The following DPF1 variants were observed in gnomAD, a reference collection of about 807,000 sequenced individuals.
DPF1 encodes zinc finger protein neuro-d4.
In DPF1, 14 loss-of-function variants were observed where a neutral mutation model predicts 58.7. That is an observed-to-expected ratio of 0.24 (90% confidence interval 0.16 to 0.37). The LOEUF (loss-of-function observed/expected upper bound fraction) is 0.37. Among genes scored for constraint, DPF1 ranks in the 10% least tolerant of loss-of-function variants. DPF1 has a pLI of 1.00. For missense variants in DPF1, 345 were observed against 529.9 expected (o/e 0.65, Z 3.43); for synonymous variants, 216 against 216.0 (o/e 1.00, Z 0.00).
upstream of DPF1, among the ~76,000 whole-genome samples, chr19:38,225,330 G>A (rs769519156): frequency 2.0e-5 from 3 of 152,084 alleles, no homozygotes; most frequent in Non-Finnish European, 4.4e-5. Flanking sequence ...ACTTCGGGAG[G>A]CCTAGATGAG....
chr19:38,226,822 C>G (rs534594236), upstream of DPF1, among the ~76,000 whole-genome samples: 91 of 152,148 alleles, frequency 6.0e-4, no homozygotes, highest in African/African-American at 2.1e-3. Flanking sequence ...ACACTTGATT[C>G]CCACACCGCT....
At chr19:38,225,511 G>C (rs761190234), upstream of DPF1, among the ~76,000 whole-genome samples, 1 of 152,158 alleles carries the variant, frequency 6.6e-6, no homozygotes, top group African/African-American at 2.4e-5. Flanking sequence ...TGAGGCTGCA[G>C]TGAGCTGTGG....
chr19:38,219,193 G>T, intron 3 of DPF1, 135 bp from the exon 4 acceptor site: 2 of 1,316,940 alleles, frequency 1.5e-6, no homozygotes, highest in Non-Finnish European at 2.1e-6. Flanking sequence ...ACATGCCCTA[G>T]GAGGGAGGCC....
At position 38,222,528 on chromosome 19, in the gene DPF1, G is replaced by T. The variant is rs772001307; in HGVS notation, c.190+20C>A. The T allele has an allele frequency of 1.2e-6, 2 of 1,606,386 alleles. No individual in the cohort carries two copies. Among genetic ancestry groups the T allele is most frequent in the Non-Finnish European group, 1.7e-6 (2 of 1,176,744 alleles). On this transcript the variant is annotated intron_variant, in intron 2 of 11. Coordinates refer to ENST00000355526, the MANE Select transcript of DPF1 (RefSeq NM_001135155.3). This position sits in a 1 kb window ranked among gnomAD's most constrained non-coding sequence, Gnocchi z 4.9. ...GCGGCCTGGCCCCGCCCCGCCCTGC[G>T]CCAGCCCTCCCGGCGGTACCCGGCC...
chr19:38,227,832 A>T (rs1967892698), upstream of DPF1: 3 of 152,066 alleles, frequency 2.0e-5, no homozygotes. Flanking sequence ...CCTTCTCCCC[A>T]GGGGATTTGA....
Position 38,224,066 on chromosome 19 carries a change from C to T in DPF1, c.29+48G>A, listed in dbSNP as rs766961033. The stretch of plus-strand genomic sequence containing the variant: ...CGGTCGCCACACACACACAGGCCCG[C>T]GTAGACCCGCCCGCGCTTCCTCTCC... On this transcript the variant is annotated intron_variant, in intron 1 of 11. Coordinates refer to ENST00000355526, the MANE Select transcript of DPF1 (RefSeq NM_001135155.3). This position sits in a 1 kb window ranked among gnomAD's most constrained non-coding sequence, Gnocchi z 4.5. 6.7e-7 allele frequency: 1 copy of T among 1,492,792 alleles called. No homozygotes were observed. The allele number at this position is 1,492,792 out of a possible 1,614,324, so 92.5% of individuals were successfully genotyped here.
At chr19:38,224,450 G>A (rs993845827), upstream of DPF1, among the ~76,000 whole-genome samples, 1 of 152,062 alleles carries the variant, frequency 6.6e-6, no homozygotes, top group Admixed American at 6.5e-5. This position sits in a 1 kb window ranked among gnomAD's most constrained non-coding sequence, Gnocchi z 4.5. Context: ...TGCACACCTG[G>A]ACTCGCACAC....
chr19:38,221,003 C>T (rs1474393713), intron 3 of DPF1, among the ~76,000 whole-genome samples: 1 of 152,200 alleles, frequency 6.6e-6, no homozygotes, highest in Admixed American at 6.5e-5. Context: ...CCCAGACACT[C>T]CGAGGCACCC....
rs1298320315 is a variant in DPF1 at position 38,213,708 on chromosome 19, C to T, written c.947G>A (p.Arg316Gln). The T allele has an allele frequency of 2.5e-6, 4 of 1,613,744 alleles. No individual in the cohort carries two copies. The highest frequency in any genetic ancestry group is 3.3e-5 in the Admixed American group (2 of 59,970). Residue 316 changes from arginine (R) to glutamine (Q), a missense_variant, in exon 10 of 12, where the codon CGG becomes CAG. Coordinates refer to ENST00000355526, the MANE Select transcript of DPF1 (RefSeq NM_001135155.3). ...QFTVNMTAAV[R>Q]TYRWQCIECK... ...CTCGATGCACTGCCAGCGGTAGGTC[C>T]GCACGGCTGCCGTCATGTTCACCGT...
chr19:38,221,975 G>C (rs1182943674), intron 3 of DPF1, among the ~76,000 whole-genome samples: 5 of 152,114 alleles, frequency 3.3e-5, no homozygotes, highest in Non-Finnish European at 7.4e-5. Flanking sequence ...CAGCTACTCG[G>C]AAGGCTGAGG....
intron 5 of DPF1, 24 bp from the exon 6 acceptor site, chr19:38,217,900 G>A: frequency 6.2e-7 from 1 of 1,613,560 alleles, no homozygotes; most frequent in Non-Finnish European, 8.5e-7. Flanking sequence ...CAGGAGTGAG[G>A]GGCCAAGAAA....
chr19:38,226,503 T>TACAC (rs60328056), upstream of DPF1, among the ~76,000 whole-genome samples: 1,704 of 133,730 alleles, frequency 0.013, 26 homozygotes, highest in African/African-American at 0.033. Context: ...CGGTCACTTC[T>TACAC]ACACACACAC....
chr19:38,229,478 C>G lies in DPF1; in HGVS notation c.-132+81G>C. 1 of 853,638 alleles carries G rather than the reference C, an allele frequency of 1.2e-6. No homozygotes were observed. Among genetic ancestry groups the G allele is most frequent in the Non-Finnish European group, 1.5e-6 (1 of 673,746 alleles). 52.9% of individuals were successfully genotyped at this position (853,638 alleles called of 1,614,324 possible). On this transcript the variant is annotated intron_variant, in intron 1 of 11. Transcript: ENST00000412732. This position sits in a 1 kb window ranked among gnomAD's most constrained non-coding sequence, Gnocchi z 5.3. Reference sequence around the variant, plus strand: ...ACTACGGTCCGCGCGCTGCGTCCCCCTCCTCAGCCCCAGGGCGGGCGGGGG... The same window carrying G: ...ACTACGGTCCGCGCGCTGCGTCCCCGTCCTCAGCCCCAGGGCGGGCGGGGG...
upstream of DPF1, among the ~76,000 whole-genome samples, chr19:38,227,033 CCTTTCTTT>C (rs1555710764): frequency 5.3e-4 from 70 of 132,256 alleles, no homozygotes; most frequent in Non-Finnish European, 9.4e-4. Context: ...TTCCTTCCTT[CCTTTCTTT>C]CTTTCTTTCT....
chr19:38,217,569 G>A lies in DPF1; in HGVS notation c.618C>T (p.Asn206=). 1.3e-6 allele frequency: 2 copies of A among 1,551,026 alleles called. No individual in the cohort carries two copies. The highest frequency in any genetic ancestry group is 1.7e-6 in the Non-Finnish European group (2 of 1,146,654). The change falls in exon 7 of 12, where the codon AAC becomes AAT. Residue 206 remains asparagine, a synonymous_variant. Coordinates refer to ENST00000355526, the MANE Select transcript of DPF1 (RefSeq NM_001135155.3). ...VCDICGKRYK[N]RPGLSYHYTH... ...TGTAGTGGTAGCTGAGCCCCGGCCG[G>A]TTCTTATACCGTTTCCCACAGACTG... is the stretch of plus-strand genomic sequence containing the variant.
At chr19:38,216,706 A>G (rs918347895) in intron 7 of DPF1, among the ~76,000 whole-genome samples, 6 of 152,150 alleles carry the variant, frequency 3.9e-5, no homozygotes, top group Admixed American at 3.3e-4. Flanking sequence ...TGGCGGGATT[A>G]TAAGCGTGAG....
At chr19:38,218,750 G>A in intron 4 of DPF1, 88 bp from the exon 5 acceptor site, 1 of 1,552,178 alleles carries the variant, frequency 6.4e-7, no homozygotes, top group African/African-American at 1.4e-5. Context: ...GAGATTGGGG[G>A]TGAGAGTATA....
upstream of DPF1, among the ~76,000 whole-genome samples, chr19:38,228,916 G>T (rs1373134972): frequency 6.6e-6 from 1 of 152,000 alleles, no homozygotes; most frequent in East Asian, 1.9e-4. Flanking sequence ...GTCCCCAAAG[G>T]GATCAGAGAT....
Position 38,222,512 on chromosome 19 carries a change from C to T in DPF1, c.190+36G>A. ...GGGCGGCGGCGGTGGGGCGGCCTGG[C>T]CCCGCCCCGCCCTGCGCCAGCCCTC... On this transcript the variant is annotated intron_variant, in intron 2 of 11. Transcript: ENST00000355526. This position sits in a 1 kb window ranked among gnomAD's most constrained non-coding sequence, Gnocchi z 4.9. The T allele has an allele frequency of 3.1e-6, 5 of 1,601,604 alleles. No homozygotes were observed. In the South Asian group the frequency reaches 4.5e-5, roughly 14 times the overall value.
Sources: allele counts gnomAD v4.1 joint callset (sites outside exome capture counted in the v4.1 genomes callset), GRCh38; gene constraint gnomAD v4.1.1; non-coding constraint Gnocchi (gnomAD v3.1); transcripts MANE v1.5; gene names NCBI Gene and HGNC (gene_info 2026-07-23, HGNC 2026-07-21).